Variants in MAP4K4 observed in about 807,000 individuals in gnomAD.
MAP4K4 encodes HPK/GCK-like kinase HGK.
A neutral mutation model predicts 189.6 loss-of-function variants in MAP4K4; 38 were observed. The ratio of observed to expected loss-of-function variants is 0.20; its 90% CI spans 0.15 to 0.26. MAP4K4 has a LOEUF of 0.26. MAP4K4 is among the 10% of genes least tolerant of loss of function. The pLI is 1.00. For synonymous variants in MAP4K4, 610 were observed against 624.3 expected, an observed-to-expected ratio of 0.98 and a Z score of 0.34; for missense variants, 1,054 against 1,726.9, an observed-to-expected ratio of 0.61 and a Z score of 6.91.
exon 14 of MAP4K4, chr2:101,859,079 A>G: frequency 6.2e-7 from 1 of 1,609,686 alleles, no homozygotes. Context: ...AGGCCATGTT[A>G]CTGGTAAAGC....
In MAP4K4 at chr2:101,824,385, A is replaced by G. The variant is rs2096260683; in HGVS notation, c.306+332A>G. 2.0e-5 allele frequency among the ~76,000 whole-genome samples: 3 copies of G among 152,216 alleles called. No homozygotes were observed. In the South Asian group the frequency reaches 6.2e-4, roughly 32 times the overall value. On this transcript the variant is annotated intron_variant, in intron 4 of 32. Coordinates refer to ENST00000324219, the Ensembl canonical transcript of MAP4K4. ...TAAAAACTTTATTTATGGGAACAAA[A>G]TTAATTTGAAAGCTCAGTAAATTGA...
exon 19 of MAP4K4, chr2:101,866,569 C>T: frequency 6.2e-7 from 1 of 1,612,922 alleles, no homozygotes; most frequent in Non-Finnish European, 8.5e-7. Context: ...GGGAACGCTT[C>T]AGAGTGAGAT....
intron 27 of MAP4K4, among the ~76,000 whole-genome samples, chr2:101,879,783 T>A (rs929917636): frequency 6.6e-6 from 1 of 151,488 alleles, no homozygotes; most frequent in Non-Finnish European, 1.5e-5. Flanking sequence ...TTCATTGAAC[T>A]GATTTTATAT....
chr2:101,744,649 G>A (rs1238461165), intron 2 of MAP4K4, among the ~76,000 whole-genome samples: 1 of 152,004 alleles, frequency 6.6e-6, no homozygotes, highest in African/African-American at 2.4e-5. Flanking sequence ...CAGGTCCTAG[G>A]CGAGTTGGGC....
chr2:101,697,966 C>T (rs1239349820), exon 1 of MAP4K4: 4 of 558,372 alleles, frequency 7.2e-6, no homozygotes, highest in Non-Finnish European at 1.1e-5. Context: ...AGGAGAGTAC[C>T]GGGCCGGCTC....
chr2:101,873,791 G>A, intron 25 of MAP4K4, 27 bp downstream of exon 25: 1 of 1,478,988 alleles, frequency 6.8e-7, no homozygotes. Context: ...CAAGAAAGCA[G>A]CTGACAAATG....
intron 2 of MAP4K4, among the ~76,000 whole-genome samples, chr2:101,751,528 G>T (rs145106808): frequency 2.4e-4 from 36 of 152,294 alleles, no homozygotes; most frequent in Non-Finnish European, 4.6e-4. Context: ...TCTTCATTCA[G>T]CACATTATTG....
intron 2 of MAP4K4, among the ~76,000 whole-genome samples, chr2:101,779,676 TATGAGTTTGC>T (rs949847555): frequency 1.3e-5 from 2 of 152,184 alleles, no homozygotes; most frequent in Non-Finnish European, 2.9e-5. Context: ...ATGGACATGG[TATGAGTTTGC>T]ATGAGAGTGC....
intron 3 of MAP4K4, among the ~76,000 whole-genome samples, chr2:101,798,274 A>G (rs904590284): frequency 1.3e-5 from 2 of 152,030 alleles, no homozygotes; most frequent in African/African-American, 2.4e-5. Context: ...GTATATAACT[A>G]TATATGTTTA....
exon 33 of MAP4K4, chr2:101,891,289 C>A (rs769058640): frequency 6.4e-7 from 1 of 1,555,614 alleles, no homozygotes; most frequent in Admixed American, 1.7e-5. Flanking sequence ...CCAGAGTCTT[C>A]AAGATCCTGA....
At chr2:101,846,431 T>A (rs1293941213) in intron 12 of MAP4K4, among the ~76,000 whole-genome samples, 1 of 152,140 alleles carries the variant, frequency 6.6e-6, no homozygotes, top group Non-Finnish European at 1.5e-5. Context: ...TAACTTGAAG[T>A]GCCAAGGACC....
chr2:101,804,989 G>T (rs529769570), intron 3 of MAP4K4, among the ~76,000 whole-genome samples: 2 of 147,990 alleles, frequency 1.4e-5, no homozygotes, highest in South Asian at 2.1e-4. Context: ...CAGGAGAATC[G>T]CTCGAACCCA....
chr2:101,703,130 T>C (rs907921617), intron 2 of MAP4K4, among the ~76,000 whole-genome samples: 3 of 152,038 alleles, frequency 2.0e-5, no homozygotes, highest in African/African-American at 2.4e-5. Flanking sequence ...CAGATGTGTG[T>C]TGGGAAGGAG....
chr2:101,853,411 C>T (rs2097347815), intron 12 of MAP4K4, among the ~76,000 whole-genome samples: 1 of 152,244 alleles, frequency 6.6e-6, no homozygotes, highest in Non-Finnish European at 1.5e-5. Context: ...AACAAGAATA[C>T]TCAGAAATTA....
At chr2:101,837,189 G>A (rs1325516742) in intron 9 of MAP4K4, among the ~76,000 whole-genome samples, 1 of 150,610 alleles carries the variant, frequency 6.6e-6, no homozygotes, top group Non-Finnish European at 1.5e-5. Flanking sequence ...GAAATATGCA[G>A]GACATCTCAG....
chr2:101,719,864 T>C (rs981568566), intron 2 of MAP4K4, among the ~76,000 whole-genome samples: 3 of 151,228 alleles, frequency 2.0e-5, no homozygotes, highest in Admixed American at 2.0e-4. Flanking sequence ...ATACAAAAAT[T>C]AGCCGGGCGT....
chr2:101,827,831 C>T (rs189663245), intron 5 of MAP4K4, among the ~76,000 whole-genome samples: 45 of 152,274 alleles, frequency 3.0e-4, no homozygotes, highest in Middle Eastern at 3.4e-3. Flanking sequence ...CTCTTTTATT[C>T]TGTGACCATG....
chr2:101,804,631 T>C (rs1021918190), intron 3 of MAP4K4, among the ~76,000 whole-genome samples: 3 of 152,158 alleles, frequency 2.0e-5, no homozygotes, highest in African/African-American at 7.2e-5. Flanking sequence ...CCAGACACTT[T>C]TTTTCTCTCC....
chr2:101,823,747 T>G (rs2096213696), intron 3 of MAP4K4, among the ~76,000 whole-genome samples, 181 bp from the exon 4 acceptor site: 1 of 152,060 alleles, frequency 6.6e-6, no homozygotes, highest in South Asian at 2.1e-4. Context: ...ATAATCACAC[T>G]TCAAAGGATG....
Sources: gnomAD v4.1 joint callset for allele counts (sites outside exome capture counted in the v4.1 genomes callset) on GRCh38, gnomAD v4.1.1 for gene constraint, MANE v1.5 for transcripts, NCBI Gene and HGNC (gene_info 2026-07-23, HGNC 2026-07-21) for gene names.